Variants in RFX4 observed in about 807,000 individuals in gnomAD.
The protein encoded by RFX4 is regulatory factor X4, also known as transcription factor RFX4.
A neutral mutation model predicts 95.0 loss-of-function variants in RFX4; 10 were observed. The ratio of observed to expected loss-of-function variants is 0.11; its 90% CI spans 0.06 to 0.18. The LOEUF is 0.18. Ranked by LOEUF, RFX4 falls within the 10% of genes least tolerant of loss-of-function variation. The pLI, the probability that RFX4 is intolerant of heterozygous loss-of-function variation, is 1.00. For synonymous variants in RFX4, 321 were observed against 340.7 expected, an observed-to-expected ratio of 0.94 and a Z score of 0.64; for missense variants, 640 against 922.0, an observed-to-expected ratio of 0.69 and a Z score of 3.96.
chr12:106,607,145 G>A (rs1305864518), intron 1 of RFX4, among the ~76,000 whole-genome samples: 1 of 152,174 alleles, frequency 6.6e-6, no homozygotes, highest in Non-Finnish European at 1.5e-5. Flanking sequence ...CCAAAAGCCT[G>A]CAGCCATAGG....
At chr12:106,626,166 T>G (rs2040294844) in intron 2 of RFX4, among the ~76,000 whole-genome samples, 1 of 152,188 alleles carries the variant, frequency 6.6e-6, no homozygotes, top group African/African-American at 2.4e-5. Context: ...GGAAGCTTGT[T>G]AGGAATGCAG....
At chr12:106,659,768 AG>A (rs1271909484) in intron 4 of RFX4, among the ~76,000 whole-genome samples, 3 of 152,228 alleles carry the variant, frequency 2.0e-5, no homozygotes, top group Non-Finnish European at 2.9e-5. Context: ...TGGTGGACTC[AG>A]GATGTGAACC....
chr12:106,623,304 T>A, intron 2 of RFX4, among the ~76,000 whole-genome samples: 1 of 152,266 alleles, frequency 6.6e-6, no homozygotes, highest in South Asian at 2.1e-4. Flanking sequence ...ATTACAGGCA[T>A]GAGCCACTGT....
intron 5 of RFX4, chr12:106,683,360 G>A (rs1298428360): frequency 1.3e-5 from 2 of 148,558 alleles, no homozygotes; most frequent in Non-Finnish European, 3.0e-5. Flanking sequence ...TTTTTTTGGT[G>A]TAGCTCAGAA....
At chr12:106,751,537 G>C (rs1352910803) in intron 17 of RFX4, among the ~76,000 whole-genome samples, 1 of 149,550 alleles carries the variant, frequency 6.7e-6, no homozygotes, top group East Asian at 2.0e-4. Flanking sequence ...GGTTGAACTA[G>C]TTTACAGTCC....
At chr12:106,625,689 A>G (rs184368919) in intron 2 of RFX4, among the ~76,000 whole-genome samples, 20 of 152,318 alleles carry the variant, frequency 1.3e-4, no homozygotes, top group Non-Finnish European at 2.5e-4. Flanking sequence ...CTGAGCCCCT[A>G]CTACATGCTA....
intron 2 of RFX4, among the ~76,000 whole-genome samples, chr12:106,609,194 C>T (rs1372294562): frequency 1.3e-5 from 2 of 152,188 alleles, no homozygotes; most frequent in South Asian, 4.2e-4. Context: ...AATGTGGACC[C>T]TGGTTGGGAA....
chr12:106,742,430 A>C (rs1168256009), intron 15 of RFX4, among the ~76,000 whole-genome samples: 2 of 152,088 alleles, frequency 1.3e-5, no homozygotes, highest in East Asian at 3.9e-4. Context: ...AAATCAGCCC[A>C]CCTCAGCCTC....
intron 4 of RFX4, among the ~76,000 whole-genome samples, chr12:106,668,803 T>C (rs973630541): frequency 6.6e-6 from 1 of 152,114 alleles, no homozygotes; most frequent in Non-Finnish European, 1.5e-5. Context: ...TCATGGGAAG[T>C]AACATGGGTG....
intron 2 of RFX4, among the ~76,000 whole-genome samples, chr12:106,609,959 G>A (rs942578750): frequency 3.3e-5 from 5 of 152,078 alleles, no homozygotes; most frequent in Admixed American, 6.5e-5. Flanking sequence ...TTCTCAGTCA[G>A]TATAATGTCT....
chr12:106,685,169 A>AG (rs1316834875), intron 5 of RFX4, among the ~76,000 whole-genome samples: 2 of 152,126 alleles, frequency 1.3e-5, no homozygotes, highest in African/African-American at 4.8e-5. Flanking sequence ...GGAGTCTTTA[A>AG]GGGGGGAGCA....
At chr12:106,646,337 C>G (rs955962698) in intron 3 of RFX4, among the ~76,000 whole-genome samples, 5 of 146,762 alleles carry the variant, frequency 3.4e-5, no homozygotes, top group Non-Finnish European at 7.4e-5. Flanking sequence ...AACCAGAGCT[C>G]TGGGCTGCAA....
intron 1 of RFX4, among the ~76,000 whole-genome samples, chr12:106,591,873 G>A (rs2039552956): frequency 6.6e-6 from 1 of 152,142 alleles, no homozygotes; most frequent in Non-Finnish European, 1.5e-5. Context: ...ATGGCTTCAG[G>A]GGTATGTAGT....
intron 15 of RFX4, among the ~76,000 whole-genome samples, chr12:106,738,800 T>C: frequency 6.6e-6 from 1 of 152,200 alleles, no homozygotes; most frequent in East Asian, 1.9e-4. Flanking sequence ...ACATGTATGA[T>C]TATATAGGCA....
intron 4 of RFX4, among the ~76,000 whole-genome samples, chr12:106,668,274 A>AG (rs1489676160): frequency 6.6e-6 from 1 of 152,194 alleles, no homozygotes; most frequent in African/African-American, 2.4e-5. Flanking sequence ...GAAGTAGAAA[A>AG]AAATGGGGTA....
At chr12:106,656,097 G>A (rs937779837) in intron 4 of RFX4, among the ~76,000 whole-genome samples, 1 of 152,002 alleles carries the variant, frequency 6.6e-6, no homozygotes, top group Admixed American at 6.6e-5. Context: ...TTAAGCGCAC[G>A]CCTTCACCTC....
intron 3 of RFX4, among the ~76,000 whole-genome samples, chr12:106,651,303 G>A (rs573529724): frequency 7.9e-5 from 12 of 152,168 alleles, no homozygotes; most frequent in African/African-American, 2.7e-4. Context: ...TGCATGACTG[G>A]GCAAATGAGT....
chr12:106,619,847 A>G (rs1463451483), intron 2 of RFX4, among the ~76,000 whole-genome samples: 2 of 151,680 alleles, frequency 1.3e-5, no homozygotes, highest in Non-Finnish European at 2.9e-5. Flanking sequence ...ATTTTCTATC[A>G]TATCTAGTCT....
rs146302398 is a variant in RFX4, at chr12:106,597,665, G to A, written c.44-11132G>A. ...AGAATTGAATCTAGCAGTTTGGCTC[G>A]CCAGTCCATGGTCTTAACTATTATA... On this transcript the variant is annotated intron_variant, in intron 1 of 17. Transcript: ENST00000392842. Among the ~76,000 whole-genome samples the A allele has an allele frequency of 3.9e-5, 6 of 152,232 alleles. No individual in the cohort carries two copies. The East Asian group carries it at 5.8e-4, about 15-fold the overall frequency.
Sources: gnomAD v4.1 joint callset for allele counts (sites outside exome capture counted in the v4.1 genomes callset) on GRCh38, gnomAD v4.1.1 for gene constraint, MANE v1.5 for transcripts, NCBI Gene and HGNC (gene_info 2026-07-23, HGNC 2026-07-21) for gene names.